The following CLASP2 variants were observed in gnomAD, a reference collection of about 807,000 sequenced individuals.
The protein encoded by CLASP2 is CLIP-associating protein 2.
CLASP2 carries 47 observed loss-of-function variants against 194.4 expected under a neutral mutation model. That is an observed-to-expected ratio of 0.24 (90% CI 0.19 to 0.31). The LOEUF (loss-of-function observed/expected upper bound fraction) is 0.31. CLASP2 is among the 10% of genes least tolerant of loss of function. CLASP2 has a pLI of 1.00. For missense variants in CLASP2, 1,445 were observed against 1,823.6 expected, an observed-to-expected ratio of 0.79 and a Z score of 3.78; for synonymous variants, 619 against 633.5, an observed-to-expected ratio of 0.98 and a Z score of 0.34.
chr3:33,656,501 T>C (rs114488807), intron 7 of CLASP2, among the ~76,000 whole-genome samples: 1,641 of 152,244 alleles, frequency 0.011, 36 homozygotes, highest in African/African-American at 0.037. Context: ...CTGAAAAGAA[T>C]GTAGGACAGC....
At chr3:33,535,497 T>G in intron 33 of CLASP2, 36 bp from the exon 34 acceptor site, 1 of 1,500,014 alleles carries the variant, frequency 6.7e-7, no homozygotes, top group Non-Finnish European at 9.2e-7. Flanking sequence ...GCAAATTAAC[T>G]CATTTTTCAA....
At chr3:33,578,973 AT>A (rs1042203323) in intron 23 of CLASP2, among the ~76,000 whole-genome samples, 6 of 152,146 alleles carry the variant, frequency 3.9e-5, no homozygotes, top group Non-Finnish European at 7.4e-5. Flanking sequence ...CAACAAGGGG[AT>A]TCCACCAAAG....
chr3:33,689,868 A>G lies in CLASP2; in HGVS notation c.339T>C (p.Thr113=). 1 of 1,599,150 alleles carries G rather than the reference A, an allele frequency of 6.3e-7. No individual in the cohort carries two copies. Among genetic ancestry groups the G allele is most frequent in the South Asian group, 1.1e-5 (1 of 87,648 alleles). The change falls in exon 3 of 39, where the codon ACT becomes ACC. Residue 113 remains threonine (T), a synonymous_variant. Transcript: ENST00000682230. ...AKDKVRDEAQ[T]LILKLMDQVA... ...CTTGATCCATTAACTTCAATATCAG[A>G]GTCTGAGCTTCATCTCGAACCTTGT...
At chr3:33,604,307 G>T in intron 16 of CLASP2, 98 bp from the exon 17 acceptor site, 34 of 742,222 alleles carry the variant, frequency 4.6e-5, no homozygotes, top group Non-Finnish European at 6.0e-5. Context: ...AAGTTGAGAA[G>T]TATTTCTTTT....
intron 1 of CLASP2, among the ~76,000 whole-genome samples, chr3:33,716,110 T>C (rs1447866680): frequency 6.6e-6 from 1 of 152,120 alleles, no homozygotes; most frequent in Admixed American, 6.5e-5. Context: ...AACAGGCAAT[T>C]TATCTATTCT....
chr3:33,504,122 G>A (rs918829575), intron 37 of CLASP2: 2 of 152,112 alleles, frequency 1.3e-5, no homozygotes, highest in Non-Finnish European at 2.9e-5. Flanking sequence ...CCATACTATA[G>A]GTTGTCTTTT....
At chr3:33,501,916 T>C in intron 37 of CLASP2, 148 bp from the exon 38 acceptor site, 1 of 603,664 alleles carries the variant, frequency 1.7e-6, no homozygotes, top group Non-Finnish European at 3.0e-6. Context: ...TTTTAACCTT[T>C]TCAAGCATAG....
intron 34 of CLASP2, among the ~76,000 whole-genome samples, chr3:33,519,581 T>C (rs1163404158): frequency 6.6e-6 from 1 of 152,116 alleles, no homozygotes; most frequent in Non-Finnish European, 1.5e-5. Context: ...ATGTTAACAA[T>C]GTTCATAATA....
rs1040866522 is a variant in CLASP2, at chr3:33,508,324, A to AAT, written c.4317+2232_4317+2233dup. Among the ~76,000 whole-genome samples the AAT allele has an allele frequency of 4.0e-5, 6 of 150,744 alleles. No individual in the cohort carries two copies. In the East Asian group the frequency reaches 7.9e-4, roughly 20 times the overall value. ...GTGAGCTACCACACACTGCCTAAGA[A>AAT]ATATATATACATATTTTTTGTTTGG... is the stretch of plus-strand genomic sequence containing the variant. On this transcript the variant is annotated intron_variant, in intron 37 of 38. Coordinates refer to ENST00000682230, the MANE Select transcript of CLASP2 (RefSeq NM_001365631.1).
At chr3:33,673,511 A>C in intron 6 of CLASP2, among the ~76,000 whole-genome samples, 1 of 151,706 alleles carries the variant, frequency 6.6e-6, no homozygotes, top group African/African-American at 2.4e-5. Context: ...AAGACCATCA[A>C]GACTAGGAAG....
At chr3:33,626,258 G>A (rs1040822751) in intron 10 of CLASP2, among the ~76,000 whole-genome samples, 10 of 152,184 alleles carry the variant, frequency 6.6e-5, no homozygotes, top group Admixed American at 3.3e-4. Flanking sequence ...GGATTTTCAT[G>A]ATCAGCCAGA....
In CLASP2 at chr3:33,568,418, G is replaced by C. The variant is rs544428126; in HGVS notation, c.2764-1684C>G. ...AAATACGAAAAATGAGCAGAGTGTG[G>C]TGGCACATGACTGTAATCCCAGCTA... On this transcript the variant is annotated intron_variant, in intron 26 of 38. Transcript: ENST00000682230. Among the ~76,000 whole-genome samples the C allele has an allele frequency of 4.0e-5, 6 of 151,628 alleles. No homozygotes were observed. The South Asian group carries it at 1.3e-3, about 32-fold the overall frequency.
chr3:33,554,023 T>C (rs560562269), intron 29 of CLASP2, among the ~76,000 whole-genome samples: 87 of 152,172 alleles, frequency 5.7e-4, no homozygotes, highest in African/African-American at 1.7e-3. Context: ...TGTCAGGAAG[T>C]CAAGGCCAGC....
At chr3:33,574,603 C>A (rs922400808) in intron 24 of CLASP2, 5 of 624,122 alleles carry the variant, frequency 8.0e-6, no homozygotes, top group Admixed American at 6.3e-5. Context: ...AGAAACATTA[C>A]GTTTTTTTCA....
In CLASP2 at chr3:33,510,200, C is replaced by T. The variant is rs1288653049; in HGVS notation, c.4317+358G>A. On this transcript the variant is annotated intron_variant, in intron 37 of 38. Coordinates refer to ENST00000682230, the MANE Select transcript of CLASP2 (RefSeq NM_001365631.1). ...TAGCAGAAAATAGAATAGAGGTTAC[C>T]AGGTGCTGGGGGGGATGAAGGGAGG... 3.3e-5 allele frequency among the ~76,000 whole-genome samples: 5 copies of T among 151,790 alleles called. No individual in the cohort carries two copies. In the South Asian group the frequency reaches 8.3e-4, roughly 25 times the overall value.
At chr3:33,660,069 T>A (rs2085028308) in intron 7 of CLASP2, among the ~76,000 whole-genome samples, 1 of 152,216 alleles carries the variant, frequency 6.6e-6, no homozygotes, top group African/African-American at 2.4e-5. Context: ...AAGACTGCAT[T>A]AGGTCCTAAA....
At chr3:33,663,403 C>G in intron 7 of CLASP2, 42 bp downstream of exon 7, 1 of 1,518,120 alleles carries the variant, frequency 6.6e-7, no homozygotes, top group Non-Finnish European at 9.1e-7. Flanking sequence ...TAAAACTTTG[C>G]TAAATAGTCT....
chr3:33,624,358 T>C (rs1363929938), intron 10 of CLASP2, among the ~76,000 whole-genome samples: 1 of 152,096 alleles, frequency 6.6e-6, no homozygotes, highest in African/African-American at 2.4e-5. Context: ...AAGGGAAAAC[T>C]ATCACAAACA....
intron 7 of CLASP2, among the ~76,000 whole-genome samples, chr3:33,647,598 CA>C (rs1442672729): frequency 6.6e-6 from 1 of 152,134 alleles, no homozygotes; most frequent in Non-Finnish European, 1.5e-5. Flanking sequence ...ATTATAGCTC[CA>C]AAGCAGTTAT....
Sources: gnomAD v4.1 joint callset for allele counts (sites outside exome capture counted in the v4.1 genomes callset) on GRCh38, gnomAD v4.1.1 for gene constraint, MANE v1.5 for transcripts, NCBI Gene and HGNC (gene_info 2026-07-23, HGNC 2026-07-21) for gene names.